The following CTNNA2 variants were observed in gnomAD, a reference collection of about 807,000 sequenced individuals.
CTNNA2 encodes the protein catenin alpha-2.
CTNNA2 carries 42 observed loss-of-function variants against 101.0 expected under a neutral mutation model. That is an observed-to-expected ratio of 0.42 (90% CI 0.32 to 0.54). The LOEUF is 0.54. Ranked by LOEUF, CTNNA2 falls within the 20% of genes least tolerant of loss-of-function variation. The probability of loss-of-function intolerance (pLI) is 0.14; values close to 1 mark genes in which losing one functional copy is unlikely to be tolerated. For missense variants in CTNNA2, 871 were observed against 1,223.1 expected, an observed-to-expected ratio of 0.71 and a Z score of 4.29; for synonymous variants, 450 against 456.4, an observed-to-expected ratio of 0.99 and a Z score of 0.18.
intron 7 of CTNNA2, among the ~76,000 whole-genome samples, chr2:80,236,463 T>A (rs187057328): frequency 1.8e-4 from 28 of 152,316 alleles, no homozygotes; most frequent in Non-Finnish European, 5.9e-5. Context: ...CAAAGAGTCA[T>A]ACTGTTACTT....
At chr2:80,156,801 C>T (rs1704018312) in intron 7 of CTNNA2, among the ~76,000 whole-genome samples, 2 of 152,222 alleles carry the variant, frequency 1.3e-5, no homozygotes, top group African/African-American at 4.8e-5. Context: ...CCTTTGGCCA[C>T]ATCCTTCAGT....
intron 3 of CTNNA2, among the ~76,000 whole-genome samples, chr2:79,844,826 C>CTA (rs1015788122): frequency 1.2e-3 from 34 of 28,502 alleles, no homozygotes; most frequent in Admixed American, 8.3e-3. Context: ...TTCATCTATA[C>CTA]TCTGTCTTTT....
At chr2:79,991,684 C>G (rs1028284833) in intron 7 of CTNNA2, among the ~76,000 whole-genome samples, 8 of 152,108 alleles carry the variant, frequency 5.3e-5, no homozygotes, top group African/African-American at 1.7e-4. Context: ...AATGGAAAGA[C>G]TAAATCTAGA....
intron 1 of CTNNA2, among the ~76,000 whole-genome samples, chr2:79,528,203 TTTTCTTTTC>T (rs1053086854): frequency 4.5e-4 from 11 of 24,590 alleles, no homozygotes; most frequent in African/African-American, 1.3e-3. Context: ...TCTCTTTTTC[TTTTCTTTTC>T]TTTTTTTTTT....
intron 2 of CTNNA2, among the ~76,000 whole-genome samples, chr2:79,692,737 G>A (rs998479533): frequency 6.6e-6 from 1 of 151,894 alleles, no homozygotes; most frequent in Non-Finnish European, 1.5e-5. Context: ...CATGGATGAA[G>A]CTGGAAACCA....
At chr2:80,030,927 A>G (rs1018097325) in intron 7 of CTNNA2, among the ~76,000 whole-genome samples, 5 of 152,242 alleles carry the variant, frequency 3.3e-5, no homozygotes, top group Admixed American at 6.5e-5. Context: ...CAAGCTAAAA[A>G]TGAAAATAAC....
At chr2:79,680,245 A>G (rs1251343116) in intron 2 of CTNNA2, among the ~76,000 whole-genome samples, 1 of 151,946 alleles carries the variant, frequency 6.6e-6, no homozygotes, top group Non-Finnish European at 1.5e-5. Context: ...TCCCTCCTTC[A>G]TGAATATTTA....
At chr2:80,570,977 T>G (rs1694538052) in intron 12 of CTNNA2, among the ~76,000 whole-genome samples, 1 of 152,084 alleles carries the variant, frequency 6.6e-6, no homozygotes, top group Admixed American at 6.6e-5. Flanking sequence ...AGCTTTCTCC[T>G]CTCACCCTTG....
intron 7 of CTNNA2, among the ~76,000 whole-genome samples, chr2:79,927,024 G>T (rs532239651): frequency 6.6e-6 from 1 of 152,136 alleles, no homozygotes. Context: ...ATCAAAGATG[G>T]AGAGTATACT....
intron 2 of CTNNA2, among the ~76,000 whole-genome samples, chr2:79,705,060 G>A (rs1685265136): frequency 6.6e-6 from 1 of 152,046 alleles, no homozygotes; most frequent in South Asian, 2.1e-4. Context: ...ATCTGGGTGG[G>A]TGCTACAGGC....
At chr2:80,361,936 C>T (rs993429226) in intron 7 of CTNNA2, among the ~76,000 whole-genome samples, 2 of 152,022 alleles carry the variant, frequency 1.3e-5, no homozygotes, top group African/African-American at 4.8e-5. Context: ...GCAACCCATC[C>T]CATACATGTT....
intron 2 of CTNNA2, among the ~76,000 whole-genome samples, chr2:79,239,523 AAAC>A (rs988675973): frequency 2.0e-5 from 3 of 152,196 alleles, no homozygotes; most frequent in Non-Finnish European, 2.9e-5. Flanking sequence ...CCAGCTCAAA[AAAC>A]AACAACAAAA....
chr2:80,466,277 G>GA (rs1018234088), intron 9 of CTNNA2, among the ~76,000 whole-genome samples: 54 of 152,062 alleles, frequency 3.6e-4, no homozygotes, highest in Non-Finnish European at 5.9e-4. Context: ...AATGCTCAGA[G>GA]AAAAAAGGAG....
chr2:80,377,215 TA>T (rs1676038392), intron 7 of CTNNA2, among the ~76,000 whole-genome samples: 1 of 152,236 alleles, frequency 6.6e-6, no homozygotes, highest in Non-Finnish European at 1.5e-5. Context: ...AGATCCAGCC[TA>T]TAAAACAATT....
At chr2:80,614,602 C>G (rs1698703495) in intron 17 of CTNNA2, among the ~76,000 whole-genome samples, 1 of 151,222 alleles carries the variant, frequency 6.6e-6, no homozygotes, top group South Asian at 2.1e-4. Context: ...ATAAAGCTTC[C>G]CCATAAGACA....
chr2:80,229,670 C>A (rs1709083019), intron 7 of CTNNA2, among the ~76,000 whole-genome samples: 1 of 152,116 alleles, frequency 6.6e-6, no homozygotes, highest in Non-Finnish European at 1.5e-5. Flanking sequence ...AAATCCCTGG[C>A]CATTGGTGAT....
chr2:80,199,820 A>G (rs1235205376), intron 7 of CTNNA2, among the ~76,000 whole-genome samples: 1 of 152,208 alleles, frequency 6.6e-6, no homozygotes, highest in African/African-American at 2.4e-5. Flanking sequence ...GTCATCATAA[A>G]GAAGAAAGGG....
At chr2:80,635,970 G>GTTTT (rs1672831198) in intron 18 of CTNNA2, among the ~76,000 whole-genome samples, 1 of 83,950 alleles carries the variant, frequency 1.2e-5, no homozygotes, top group African/African-American at 4.4e-5. Context: ...GATGCCCATT[G>GTTTT]CTTTTTTTTT....
intron 1 of CTNNA2, among the ~76,000 whole-genome samples, chr2:79,614,255 T>C (rs1188770779): frequency 6.6e-6 from 1 of 152,190 alleles, no homozygotes; most frequent in African/African-American, 2.4e-5. Flanking sequence ...GATAACCTGA[T>C]GTTAAAAAAT....
Sources: allele counts gnomAD v4.1 joint callset (sites outside exome capture counted in the v4.1 genomes callset), GRCh38; gene constraint gnomAD v4.1.1; transcripts MANE v1.5; gene names NCBI Gene and HGNC (gene_info 2026-07-23, HGNC 2026-07-21).